Variants in SLC7A14 observed in about 807,000 individuals in gnomAD.
The protein encoded by SLC7A14 is solute carrier family 7 member 14.
In SLC7A14, 37 loss-of-function variants were observed where a neutral mutation model predicts 60.2. The ratio of observed to expected loss-of-function variants is 0.61; its 90% CI spans 0.47 to 0.81. SLC7A14 has a LOEUF of 0.81. Among genes scored for constraint, SLC7A14 ranks in the 30% least tolerant of loss-of-function variants. The pLI is 0.00. For missense variants in SLC7A14, 886 were observed against 982.7 expected (o/e 0.90, Z 1.32); for synonymous variants, 399 against 395.8 (o/e 1.01, Z -0.10).
intron 1 of SLC7A14, among the ~76,000 whole-genome samples, chr3:170,561,208 C>G (rs1182195379): frequency 3.3e-5 from 5 of 152,250 alleles, no homozygotes; most frequent in Non-Finnish European, 7.3e-5. Flanking sequence ...GAATTGTCAG[C>G]TCCCTGAGGA....
At chr3:170,559,684 C>A (rs1313515432) in intron 1 of SLC7A14, among the ~76,000 whole-genome samples, 4 of 152,194 alleles carry the variant, frequency 2.6e-5, no homozygotes, top group East Asian at 1.9e-4. Context: ...TAAAAAATAA[C>A]CCAATAGATT....
chr3:170,554,564 C>A (rs1466667430), intron 1 of SLC7A14, among the ~76,000 whole-genome samples: 1 of 152,196 alleles, frequency 6.6e-6, no homozygotes, highest in Non-Finnish European at 1.5e-5. Flanking sequence ...TCTCTCCCCA[C>A]AGCATTCACC....
chr3:170,534,368 C>T (rs951304062), intron 1 of SLC7A14, among the ~76,000 whole-genome samples: 5 of 152,148 alleles, frequency 3.3e-5, no homozygotes, highest in Admixed American at 2.6e-4. Context: ...CACTGACTTT[C>T]CATTAACTAA....
At chr3:170,555,659 C>T (rs73879213) in intron 1 of SLC7A14, among the ~76,000 whole-genome samples, 3,632 of 152,140 alleles carry the variant, frequency 0.024, 133 homozygotes, top group African/African-American at 0.082. Flanking sequence ...CAGCATGTGA[C>T]TATACTAATA....
intron 2 of SLC7A14, among the ~76,000 whole-genome samples, chr3:170,516,341 A>G (rs1413149116): frequency 6.6e-6 from 1 of 152,124 alleles, no homozygotes; most frequent in Admixed American, 6.5e-5. Flanking sequence ...GTGCTCTGCT[A>G]GTCAATAGGG....
chr3:170,503,072 A>C (rs776312962), intron 2 of SLC7A14: 1 of 152,228 alleles, frequency 6.6e-6, no homozygotes, highest in African/African-American at 2.4e-5. Flanking sequence ...GTTCAGTATT[A>C]TGGAGATGCT....
chr3:170,516,658 T>G (rs1468163515), intron 2 of SLC7A14, among the ~76,000 whole-genome samples: 1 of 152,092 alleles, frequency 6.6e-6, no homozygotes, highest in Non-Finnish European at 1.5e-5. Flanking sequence ...CCTCAGCTAC[T>G]GAGGAGGGTG....
chr3:170,502,141 A>G (rs1459245983), intron 2 of SLC7A14, among the ~76,000 whole-genome samples: 2 of 152,236 alleles, frequency 1.3e-5, no homozygotes, highest in African/African-American at 4.8e-5. Context: ...AGGCAAAGAC[A>G]TGGCAGAGAG....
intron 7 of SLC7A14, among the ~76,000 whole-genome samples, chr3:170,476,155 C>T (rs1047330919): frequency 2.0e-5 from 3 of 152,204 alleles, no homozygotes; most frequent in Admixed American, 2.0e-4. Context: ...TTCCTCAATA[C>T]TCGGCCACCA....
At chr3:170,580,136 G>A (rs2108319209) in intron 1 of SLC7A14, among the ~76,000 whole-genome samples, 1 of 152,304 alleles carries the variant, frequency 6.6e-6, no homozygotes, top group African/African-American at 2.4e-5. Flanking sequence ...TGGAACAATG[G>A]TCTGAATTCA....
intron 1 of SLC7A14, among the ~76,000 whole-genome samples, chr3:170,549,288 C>T (rs889035084): frequency 4.3e-4 from 64 of 148,178 alleles, no homozygotes; most frequent in Non-Finnish European, 1.8e-4. Context: ...GATCTTGGCT[C>T]ACTGCAACCG....
At chr3:170,474,363 A>G (rs1711551773) in intron 7 of SLC7A14, among the ~76,000 whole-genome samples, 1 of 152,152 alleles carries the variant, frequency 6.6e-6, no homozygotes, top group Admixed American at 6.5e-5. Context: ...AAGCCCTGTG[A>G]GTGCTCCGCC....
In SLC7A14 at chr3:170,463,341, TCTA is replaced by T. The variant is rs1381320537; in HGVS notation, c.*3711_*3713del. ...TTGCTTGGCATGCCTTTCTCTCATT[TCTA>T]CTTGATAAAATTCTACCCACTTCAC... On this transcript the variant is annotated 3_prime_UTR_variant, in exon 8 of 8. Coordinates refer to ENST00000231706, the MANE Select transcript of SLC7A14 (RefSeq NM_020949.3). 2 of 152,120 alleles carry T rather than the reference TCTA, an allele frequency of 1.3e-5. No homozygotes were observed. Among genetic ancestry groups the T allele is most frequent in the Non-Finnish European group, 2.9e-5 (2 of 68,044 alleles). The allele number at this position is 152,120 out of a possible 1,614,324, so 9.4% of individuals were successfully genotyped here.
chr3:170,557,484 C>A (rs1714518526), intron 1 of SLC7A14, among the ~76,000 whole-genome samples: 1 of 152,142 alleles, frequency 6.6e-6, no homozygotes, highest in Admixed American at 6.5e-5. Context: ...GAGGTTCCTG[C>A]CCTCAGGGAT....
rs1711921054 is a variant in SLC7A14 at position 170,483,651 on chromosome 3, T to C, written c.907-129A>G. ...GCATGGCAGTTTGGATCCATTCACT[T>C]GCTGGCATGTGCCTTTACTGTAGAC... is the stretch of plus-strand genomic sequence containing the variant. On this transcript the variant is annotated intron_variant, in intron 5 of 7. Coordinates refer to ENST00000231706, the MANE Select transcript of SLC7A14 (RefSeq NM_020949.3). The C allele has an allele frequency of 6.7e-6, 6 of 901,382 alleles. No homozygotes were observed. The East Asian group carries it at 1.5e-4, about 23-fold the overall frequency. 55.8% of individuals were successfully genotyped at this position (901,382 alleles called of 1,614,324 possible).
At chr3:170,525,343 A>T (rs774888663) in intron 2 of SLC7A14, among the ~76,000 whole-genome samples, 3 of 152,234 alleles carry the variant, frequency 2.0e-5, no homozygotes, top group Non-Finnish European at 4.4e-5. Context: ...AAGTATCGGC[A>T]TGTGAGTCCT....
intron 1 of SLC7A14, among the ~76,000 whole-genome samples, chr3:170,561,636 C>A (rs1230335823): frequency 6.6e-6 from 1 of 152,172 alleles, no homozygotes; most frequent in African/African-American, 2.4e-5. Flanking sequence ...CTTTAAAAGG[C>A]TATCCATGGG....
intron 1 of SLC7A14, among the ~76,000 whole-genome samples, chr3:170,559,308 G>T (rs1221182854): frequency 1.3e-5 from 2 of 152,076 alleles, no homozygotes; most frequent in African/African-American, 2.4e-5. Flanking sequence ...TATCAGAAAA[G>T]ATATTTCTTT....
intron 1 of SLC7A14, among the ~76,000 whole-genome samples, chr3:170,563,627 G>A (rs1714720853): frequency 6.6e-6 from 1 of 151,858 alleles, no homozygotes; most frequent in African/African-American, 2.4e-5. Flanking sequence ...CACCATGTTG[G>A]TCAGGCTAGT....
Sources: allele counts gnomAD v4.1 joint callset (sites outside exome capture counted in the v4.1 genomes callset), GRCh38; gene constraint gnomAD v4.1.1; transcripts MANE v1.5; gene names NCBI Gene and HGNC (gene_info 2026-07-23, HGNC 2026-07-21).